The following TAFA5 variants were observed in gnomAD, a reference collection of about 807,000 sequenced individuals.
The protein encoded by TAFA5 is chemokine-like protein TAFA-5.
Under a neutral mutation model 15.3 loss-of-function variants are expected in TAFA5, and 6 were observed. The observed-to-expected ratio is 0.39, with a 90% CI of 0.21 to 0.77. The LOEUF is 0.77. Among genes scored for constraint, TAFA5 ranks in the 30% least tolerant of loss-of-function variants. The pLI, the probability that TAFA5 is intolerant of heterozygous loss-of-function variation, is 0.41. For missense variants in TAFA5, 161 were observed against 193.1 expected, an observed-to-expected ratio of 0.83 and a Z score of 0.98; for synonymous variants, 103 against 80.7, an observed-to-expected ratio of 1.28 and a Z score of -1.48.
At chr22:48,613,080 G>A (rs1363699341) in intron 1 of TAFA5, among the ~76,000 whole-genome samples, 1 of 152,228 alleles carries the variant, frequency 6.6e-6, no homozygotes, top group Non-Finnish European at 1.5e-5. Context: ...GCTCTGTGGT[G>A]CAGCCCGGCC....
intron 1 of TAFA5, 51 bp from the exon 2 acceptor site, chr22:48,646,546 T>G: frequency 6.3e-7 from 1 of 1,593,352 alleles, no homozygotes; most frequent in Non-Finnish European, 8.6e-7. Flanking sequence ...GCTCTGGCTG[T>G]GGGGTGTCTG....
chr22:48,735,754 G>C (rs979553664), intron 3 of TAFA5, among the ~76,000 whole-genome samples: 3 of 150,408 alleles, frequency 2.0e-5, no homozygotes, highest in Non-Finnish European at 3.0e-5. Flanking sequence ...CCCCCGAGGA[G>C]GAATGAGAAT....
chr22:48,658,258 A>G (rs1927316363), intron 2 of TAFA5, among the ~76,000 whole-genome samples: 1 of 152,122 alleles, frequency 6.6e-6, no homozygotes, highest in African/African-American at 2.4e-5. Flanking sequence ...GGGAGCAGCG[A>G]GGTCTTACGA....
rs16999337 is a variant in TAFA5, at chr22:48,530,715, G to A, written c.112+41011G>A. On this transcript the variant is annotated intron_variant, in intron 1 of 3. Coordinates refer to ENST00000402357, the MANE Select transcript of TAFA5 (RefSeq NM_001082967.3). This position sits in a 1 kb window ranked among gnomAD's most constrained non-coding sequence, Gnocchi z 6.0. ...ACATGGGACCTGCTGTCTTTGGGCC[G>A]GGAGTCATAGCCACCTGGTTCACAC... Among the ~76,000 whole-genome samples, 5,259 of 152,136 alleles carry A rather than the reference G, an allele frequency of 0.035. 278 individuals carry two copies. Among genetic ancestry groups the A allele is most frequent in the African/African-American group, 0.12 (5,003 of 41,458 alleles).
rs924631349 is a variant in TAFA5, at chr22:48,560,223, T to C, written c.112+70519T>C. 2.6e-5 allele frequency among the ~76,000 whole-genome samples: 4 copies of C among 152,208 alleles called. No homozygotes were observed. The highest frequency in any genetic ancestry group is 5.9e-5 in the Non-Finnish European group (4 of 68,034). On this transcript the variant is annotated intron_variant, in intron 1 of 3. Coordinates refer to ENST00000402357, the MANE Select transcript of TAFA5 (RefSeq NM_001082967.3). The surrounding 1 kb of genome is among the most constrained non-coding windows in gnomAD (Gnocchi z 4.2). Reference sequence around the variant, plus strand: ...TGTCAGTTTCTGGGCGGGGGTGTGATGTGGCTGAGGCGTCTGTCCCTGTCG... The same window carrying C: ...TGTCAGTTTCTGGGCGGGGGTGTGACGTGGCTGAGGCGTCTGTCCCTGTCG...
intron 2 of TAFA5, among the ~76,000 whole-genome samples, chr22:48,663,452 C>G (rs1486270954): frequency 1.3e-5 from 2 of 152,162 alleles, no homozygotes; most frequent in African/African-American, 2.4e-5. Context: ...GCAGCCGGCA[C>G]ACGGTGACTT....
intron 2 of TAFA5, among the ~76,000 whole-genome samples, chr22:48,647,377 C>T (rs1221076766): frequency 6.6e-6 from 1 of 152,086 alleles, no homozygotes; most frequent in Admixed American, 6.5e-5. Context: ...TATGAGGTGA[C>T]ATGGGGCGGG....
intron 1 of TAFA5, among the ~76,000 whole-genome samples, chr22:48,637,167 G>A (rs957583675): frequency 6.6e-6 from 1 of 152,214 alleles, no homozygotes; most frequent in African/African-American, 2.4e-5. Flanking sequence ...GGGCAGGGCT[G>A]GGGATGCCTG....
chr22:48,706,465 G>T (rs1032168943), intron 2 of TAFA5, among the ~76,000 whole-genome samples: 1 of 152,198 alleles, frequency 6.6e-6, no homozygotes, highest in African/African-American at 2.4e-5. Flanking sequence ...TGGGGTGCCT[G>T]GCTCTCACCA....
At chr22:48,492,423 G>T (rs1928186483) in intron 1 of TAFA5, among the ~76,000 whole-genome samples, 1 of 152,220 alleles carries the variant, frequency 6.6e-6, no homozygotes, top group African/African-American at 2.4e-5. Flanking sequence ...TGGCTTCCTA[G>T]TGCAGCTAGG....
At chr22:48,599,142 G>C (rs979045228) in intron 1 of TAFA5, among the ~76,000 whole-genome samples, 3 of 152,100 alleles carry the variant, frequency 2.0e-5, no homozygotes, top group Non-Finnish European at 4.4e-5. Flanking sequence ...GTTTCCTTGG[G>C]TACATATGAT....
chr22:48,623,208 C>T (rs975133867), intron 1 of TAFA5, among the ~76,000 whole-genome samples: 1 of 151,964 alleles, frequency 6.6e-6, no homozygotes, highest in South Asian at 2.1e-4. Flanking sequence ...CAGCCTGTTG[C>T]GTGGCCCTGC....
intron 2 of TAFA5, among the ~76,000 whole-genome samples, chr22:48,666,174 G>T (rs985547970): frequency 6.6e-6 from 1 of 152,160 alleles, no homozygotes; most frequent in African/African-American, 2.4e-5. Context: ...CCCTGCAGAT[G>T]GTCGGGGAGG....
At chr22:48,663,913 C>A (rs1031790427) in intron 2 of TAFA5, among the ~76,000 whole-genome samples, 6 of 152,128 alleles carry the variant, frequency 3.9e-5, no homozygotes, top group Admixed American at 2.6e-4. Context: ...TTCAGATATG[C>A]CAGAAAGAAG....
intron 2 of TAFA5, among the ~76,000 whole-genome samples, chr22:48,655,844 T>TA (rs1927222464): frequency 7.3e-6 from 1 of 137,166 alleles, no homozygotes; most frequent in South Asian, 2.5e-4. Context: ...TTTTTTTTTT[T>TA]TTTTTTTTTT....
chr22:48,646,834 A>T, intron 2 of TAFA5, 88 bp downstream of exon 2: 2 of 1,447,930 alleles, frequency 1.4e-6, no homozygotes, highest in East Asian at 5.0e-5. Flanking sequence ...CCTTACCTGA[A>T]GGTCCCCCTA....
Position 48,598,616 on chromosome 22 carries a change from A to G in TAFA5, c.113-47981A>G, listed in dbSNP as rs1924854167. Among the ~76,000 whole-genome samples, 1 of 152,140 alleles carries G rather than the reference A, an allele frequency of 6.6e-6. No homozygotes were observed. Among genetic ancestry groups the G allele is most frequent in the African/African-American group, 2.4e-5 (1 of 41,412 alleles). ...TGACCTGGTTTCACTCACACTTCTG[A>G]CACCAAATGTGTCAGTTTTTCACAC... On this transcript the variant is annotated intron_variant, in intron 1 of 3. Transcript: ENST00000402357. This position sits in a 1 kb window ranked among gnomAD's most constrained non-coding sequence, Gnocchi z 4.0.
chr22:48,562,796 A>G (rs1923282611), intron 1 of TAFA5, among the ~76,000 whole-genome samples: 1 of 152,202 alleles, frequency 6.6e-6, no homozygotes, highest in Non-Finnish European at 1.5e-5. Context: ...ACGGCTTCTC[A>G]TGAGAACTCC....
chr22:48,583,790 C>T (rs983708395), intron 1 of TAFA5, among the ~76,000 whole-genome samples: 1 of 96,890 alleles, frequency 1.0e-5, no homozygotes, highest in East Asian at 3.0e-4. Flanking sequence ...TGCAAACATA[C>T]CACACAGCAC....
Sources: allele counts gnomAD v4.1 joint callset (sites outside exome capture counted in the v4.1 genomes callset), GRCh38; gene constraint gnomAD v4.1.1; non-coding constraint Gnocchi (gnomAD v3.1); transcripts MANE v1.5; gene names NCBI Gene and HGNC (gene_info 2026-07-23, HGNC 2026-07-21).